Variants in DNAJC6 observed in about 807,000 individuals in gnomAD.
DNAJC6 encodes auxilin.
Under a neutral mutation model 110.0 loss-of-function variants are expected in DNAJC6, and 34 were observed. That is an observed-to-expected ratio of 0.31 (90% CI 0.24 to 0.41). DNAJC6 has a LOEUF of 0.41. DNAJC6 is among the 10% of genes least tolerant of loss of function. The pLI is 1.00. For synonymous variants in DNAJC6, 406 were observed against 437.2 expected (o/e 0.93, Z 0.89); for missense variants, 1,031 against 1,207.8 (o/e 0.85, Z 2.17).
intron 1 of DNAJC6, among the ~76,000 whole-genome samples, chr1:65,337,723 A>G (rs985073282): frequency 2.0e-5 from 3 of 152,216 alleles, no homozygotes; most frequent in Non-Finnish European, 2.9e-5. Flanking sequence ...GGTATTATAC[A>G]TAATCTAGAG....
At position 65,383,100 on chromosome 1, in the gene DNAJC6, G is replaced by A. The variant is rs72679488; in HGVS notation, c.667-1093G>A. On this transcript the variant is annotated intron_variant, in intron 5 of 18. Transcript: ENST00000371069. ...CTCAACATATTCAGTATAAGGAAGA[G>A]CTCTGTAAACTGGAATGGGCTACTT... is the stretch of plus-strand genomic sequence containing the variant. Among the ~76,000 whole-genome samples, 196 of 152,284 alleles carry A rather than the reference G, an allele frequency of 1.3e-3. 1 individual carries two copies. The highest frequency in any genetic ancestry group is 3.4e-3 in the Middle Eastern group (1 of 294).
At position 65,291,602 on chromosome 1, in the gene DNAJC6, T is replaced by C. The variant is rs181917443; in HGVS notation, c.-131+26670T>C. Among the ~76,000 whole-genome samples the C allele has an allele frequency of 1.4e-3, 216 of 152,072 alleles. 2 individuals carry two copies. The highest frequency in any genetic ancestry group is 4.6e-3 in the African/African-American group (190 of 41,472). ...TGAACTATATCCCTGCATACTTGAG[T>C]GGGATAAAGCTGAGCCATAAAAATC... On this transcript the variant is annotated intron_variant, in intron 1 of 19. Transcript: ENST00000263441.
At chr1:65,306,215 T>C (rs1202603414), upstream of DNAJC6, among the ~76,000 whole-genome samples, 6 of 151,812 alleles carry the variant, frequency 4.0e-5, no homozygotes, top group East Asian at 1.2e-3. Flanking sequence ...GCCTGGTTAT[T>C]TTTTTGGATT....
intron 1 of DNAJC6, among the ~76,000 whole-genome samples, chr1:65,326,623 G>T (rs1292207694): frequency 6.6e-6 from 1 of 152,124 alleles, no homozygotes; most frequent in South Asian, 2.1e-4. Flanking sequence ...ATATGCACCT[G>T]GTACCCCAGA....
At chr1:65,267,540 C>T (rs1046372754) in intron 1 of DNAJC6, among the ~76,000 whole-genome samples, 34 of 151,630 alleles carry the variant, frequency 2.2e-4, no homozygotes, top group African/African-American at 4.4e-4. Context: ...GGGTATAAGC[C>T]GTATTCTGAC....
At chr1:65,334,823 C>T (rs1645320174) in intron 1 of DNAJC6, among the ~76,000 whole-genome samples, 1 of 152,090 alleles carries the variant, frequency 6.6e-6, no homozygotes. Context: ...TCCATAACCT[C>T]CCATGCTGTA....
intron 1 of DNAJC6, among the ~76,000 whole-genome samples, chr1:65,269,055 AACATTTTAATAGTAG>A (rs1451263920): frequency 1.3e-5 from 2 of 152,124 alleles, no homozygotes; most frequent in African/African-American, 4.8e-5. Flanking sequence ...AGTTACACAT[AACATTTTAATAGTAG>A]GATTTAAAAG....
In DNAJC6 at chr1:65,372,523, A is replaced by G. The variant is rs1313750582; in HGVS notation, c.543+6327A>G. Among the ~76,000 whole-genome samples the G allele has an allele frequency of 2.0e-5, 3 of 152,286 alleles. No homozygotes were observed. In the East Asian group the frequency reaches 5.8e-4, roughly 29 times the overall value. ...TCTACAAGGGGAGACAGGTATAAGC[A>G]GTTTATTCAGTACAGCTTGACCGCA... is the stretch of plus-strand genomic sequence containing the variant. On this transcript the variant is annotated intron_variant, in intron 4 of 18. Transcript: ENST00000371069.
intron 1 of DNAJC6, among the ~76,000 whole-genome samples, chr1:65,327,517 G>T (rs1234287249): frequency 6.6e-6 from 1 of 152,064 alleles, no homozygotes; most frequent in Non-Finnish European, 1.5e-5. Context: ...TTTTGAAATT[G>T]TGCATTGTCC....
chr1:65,370,113 T>A (rs1349848746), intron 4 of DNAJC6, among the ~76,000 whole-genome samples: 1 of 152,124 alleles, frequency 6.6e-6, no homozygotes, highest in Non-Finnish European at 1.5e-5. Flanking sequence ...GTACTGATGC[T>A]GACAATGAAG....
intron 1 of DNAJC6, among the ~76,000 whole-genome samples, chr1:65,330,975 A>G (rs1298566298): frequency 6.6e-6 from 1 of 152,218 alleles, no homozygotes; most frequent in Non-Finnish European, 1.5e-5. Flanking sequence ...TCTGAGAAAC[A>G]GCGTGTAAGT....
upstream of DNAJC6, among the ~76,000 whole-genome samples, chr1:65,307,526 ATTTAT>A (rs1645055790): frequency 6.6e-6 from 1 of 152,082 alleles, no homozygotes; most frequent in Non-Finnish European, 1.5e-5. Context: ...ATGATCCTGT[ATTTAT>A]TTATTTATTT....
chr1:65,309,576 T>G lies in DNAJC6; in HGVS notation c.-170T>G. 1 of 1,125,860 alleles carries G rather than the reference T, an allele frequency of 8.9e-7. No homozygotes were observed. Among genetic ancestry groups the G allele is most frequent in the East Asian group, 7.8e-5 (1 of 12,866 alleles). 69.7% of individuals were successfully genotyped at this position (1,125,860 alleles called of 1,614,324 possible). On this transcript the variant is annotated 5_prime_UTR_variant, in exon 1 of 19. Transcript: ENST00000371069. ...CTCAGCCCAGGGCGGCGGCTTCGCC[T>G]CGCCCGGCGAAGCTTCTCTCCGGTG...
At position 65,309,946 on chromosome 1, in the gene DNAJC6, T is replaced by C; in HGVS notation, c.193+8T>C. On this transcript the variant is annotated splice_region_variant and intron_variant, in intron 1 of 18. Coordinates refer to ENST00000371069, the MANE Select transcript of DNAJC6 (RefSeq NM_001256864.2). ...GCACCATGGACAGCTCAGGTAGCGC[T>C]GCCCGAGGGGAGTGCAGCGCTGAGC... 2 of 1,450,010 alleles carry C rather than the reference T, an allele frequency of 1.4e-6. No individual in the cohort carries two copies. Among genetic ancestry groups the C allele is most frequent in the Non-Finnish European group, 9.1e-7 (1 of 1,101,278 alleles). 89.8% of individuals were successfully genotyped at this position (1,450,010 alleles called of 1,614,324 possible).
In DNAJC6 at chr1:65,392,517, A is replaced by G. The variant is rs1645937979; in HGVS notation, c.1555A>G (p.Thr519Ala). Residue 519 changes from threonine to alanine, a missense_variant, in exon 12 of 19, where the codon ACA becomes GCA. Coordinates refer to ENST00000371069, the MANE Select transcript of DNAJC6 (RefSeq NM_001256864.2). ...TGAGCAATCAGATGATGAACTTCTG[A>G]CACTTTCCAGTCCGCATGGCAATGC... is the stretch of plus-strand genomic sequence containing the variant. ...ESEQSDDELLTLSSPHGNANG... is the reference protein window; with the variant it reads ...ESEQSDDELLALSSPHGNANG... 1 of 1,613,910 alleles carries G rather than the reference A, an allele frequency of 6.2e-7. No individual in the cohort carries two copies. The highest frequency in any genetic ancestry group is 8.5e-7 in the Non-Finnish European group (1 of 1,180,000).
At chr1:65,305,855 AT>A (rs1485438190), upstream of DNAJC6, among the ~76,000 whole-genome samples, 1 of 151,880 alleles carries the variant, frequency 6.6e-6, no homozygotes, top group Non-Finnish European at 1.5e-5. Context: ...AAAAAGTGAC[AT>A]TTTAAAAAGA....
intron 15 of DNAJC6, among the ~76,000 whole-genome samples, chr1:65,402,181 A>C (rs1276905141): frequency 6.6e-6 from 1 of 152,218 alleles, no homozygotes; most frequent in Non-Finnish European, 1.5e-5. Flanking sequence ...GCGCAAAAGT[A>C]ATGCGTAGGG....
At chr1:65,309,963 G>A in intron 1 of DNAJC6, 25 bp downstream of exon 1, 1 of 1,386,752 alleles carries the variant, frequency 7.2e-7, no homozygotes, top group Non-Finnish European at 9.3e-7. Context: ...GGGGAGTGCA[G>A]CGCTGAGCCC....
chr1:65,387,569 C>T (rs1219998950), intron 8 of DNAJC6, among the ~76,000 whole-genome samples: 1 of 152,150 alleles, frequency 6.6e-6, no homozygotes, highest in African/African-American at 2.4e-5. Context: ...TTTGAGGCTT[C>T]CTTCTCTCAC....
Sources: gnomAD v4.1 joint callset for allele counts (sites outside exome capture counted in the v4.1 genomes callset) on GRCh38, gnomAD v4.1.1 for gene constraint, MANE v1.5 for transcripts, NCBI Gene and HGNC (gene_info 2026-07-23, HGNC 2026-07-21) for gene names.